AAMDC: variants seen among roughly 807,000 people sequenced by gnomAD.
AAMDC encodes adipogenesis associated Mth938 domain containing.
AAMDC carries 16 observed loss-of-function variants against 15.5 expected under a neutral mutation model. That is an observed-to-expected ratio of 1.03 (90% CI 0.70 to 1.57). The LOEUF is 1.57. AAMDC is among the 40% of genes most tolerant of loss of function. AAMDC has a pLI of 0.00. For synonymous variants in AAMDC, 51 were observed against 51.6 expected, an observed-to-expected ratio of 0.99 and a Z score of 0.05; for missense variants, 141 against 144.9, an observed-to-expected ratio of 0.97 and a Z score of 0.14.
chr11:77,868,737 A>G, intron 2 of AAMDC: 3 of 230,300 alleles, frequency 1.3e-5, no homozygotes, highest in Non-Finnish European at 2.9e-5. Context: ...CACAGGGAAT[A>G]GGCTCCAGCA....
At chr11:77,901,988 T>G (rs1235017634), downstream of AAMDC, among the ~76,000 whole-genome samples, 1 of 152,154 alleles carries the variant, frequency 6.6e-6, no homozygotes, top group Non-Finnish European at 1.5e-5. Context: ...TCCATGGGCC[T>G]GGTCTGAGGG....
At chr11:77,898,869 A>G (rs868459110) in intron 5 of AAMDC, among the ~76,000 whole-genome samples, 34 of 152,186 alleles carry the variant, frequency 2.2e-4, no homozygotes, top group African/African-American at 8.2e-4. Context: ...AAAATAAAAA[A>G]ATTAGCTGAG....
At chr11:77,888,063 G>GA (rs1470892685) in intron 5 of AAMDC, among the ~76,000 whole-genome samples, 41 of 152,066 alleles carry the variant, frequency 2.7e-4, no homozygotes, top group Admixed American at 7.2e-4. Flanking sequence ...CACAGAATTG[G>GA]AAAAAACTAC....
rs376574015 is a variant in AAMDC at position 77,891,287 on chromosome 11, A to G, written c.329-9284A>G. 4 of 1,601,532 alleles carry G rather than the reference A, an allele frequency of 2.5e-6. No homozygotes were observed. In the Admixed American group the frequency reaches 6.8e-5, roughly 27 times the overall value. ...AAATACTTCAACACAATGTCAGTCT[A>G]GAAGCTCCATGAGGACCCAAACCCG... On this transcript the variant is annotated intron_variant, in intron 5 of 5. Transcript: ENST00000304716.
At chr11:77,892,076 C>T (rs1952296950) in intron 5 of AAMDC, among the ~76,000 whole-genome samples, 3 of 152,212 alleles carry the variant, frequency 2.0e-5, no homozygotes. Context: ...AAGTGTTTTA[C>T]ATGATCTTAT....
chr11:77,827,831 T>C (rs1949248366), intron 1 of AAMDC, among the ~76,000 whole-genome samples: 1 of 152,112 alleles, frequency 6.6e-6, no homozygotes, highest in South Asian at 2.1e-4. Flanking sequence ...TAAAACAAGC[T>C]CTATCTTAAA....
At chr11:77,885,265 T>TG (rs897552725) in intron 5 of AAMDC, among the ~76,000 whole-genome samples, 2 of 151,854 alleles carry the variant, frequency 1.3e-5, no homozygotes, top group African/African-American at 2.4e-5. Flanking sequence ...TTAGTAGAGA[T>TG]GGGGTTTCAC....
At chr11:77,853,900 C>A (rs1950500715) in intron 2 of AAMDC, among the ~76,000 whole-genome samples, 1 of 151,800 alleles carries the variant, frequency 6.6e-6, no homozygotes, top group African/African-American at 2.4e-5. Flanking sequence ...GAGATTGCAC[C>A]ACTGTACTCC....
intron 1 of AAMDC, among the ~76,000 whole-genome samples, chr11:77,829,418 G>T (rs1221711464): frequency 6.6e-6 from 1 of 152,136 alleles, no homozygotes; most frequent in Non-Finnish European, 1.5e-5. Flanking sequence ...AGCCATTTGG[G>T]TCAATGGAAC....
chr11:77,865,441 G>C (rs1441388958), intron 2 of AAMDC, among the ~76,000 whole-genome samples: 1 of 152,142 alleles, frequency 6.6e-6, no homozygotes, highest in Non-Finnish European at 1.5e-5. Context: ...GGCATGGCAG[G>C]GCTCTAACTT....
At chr11:77,857,687 A>G (rs2136229117) in intron 2 of AAMDC, among the ~76,000 whole-genome samples, 1 of 150,310 alleles carries the variant, frequency 6.7e-6, no homozygotes, top group East Asian at 1.9e-4. Flanking sequence ...CTATCAACCC[A>G]TCAACTAAGT....
chr11:77,898,913 G>A (rs942734023), intron 5 of AAMDC, among the ~76,000 whole-genome samples: 2 of 152,166 alleles, frequency 1.3e-5, no homozygotes, highest in Admixed American at 6.5e-5. Context: ...CCAGCTACTT[G>A]GGAGGCTGAG....
intron 2 of AAMDC, among the ~76,000 whole-genome samples, chr11:77,853,130 G>A (rs566507998): frequency 6.6e-6 from 1 of 152,146 alleles, no homozygotes; most frequent in African/African-American, 2.4e-5. Context: ...CTTTTTGGGG[G>A]TTGTACCGTA....
At chr11:77,885,687 C>T (rs1473401553) in intron 5 of AAMDC, among the ~76,000 whole-genome samples, 1 of 151,896 alleles carries the variant, frequency 6.6e-6, no homozygotes, top group Non-Finnish European at 1.5e-5. Flanking sequence ...GGTATGGTGG[C>T]GTGTGCCTGT....
At chr11:77,850,197 G>A (rs1005417552) in intron 2 of AAMDC, among the ~76,000 whole-genome samples, 4 of 152,176 alleles carry the variant, frequency 2.6e-5, no homozygotes, top group African/African-American at 4.8e-5. Flanking sequence ...AGATTTTGTA[G>A]TGATTACAGA....
chr11:77,843,083 G>C (rs1380062652), intron 2 of AAMDC, among the ~76,000 whole-genome samples: 1 of 152,124 alleles, frequency 6.6e-6, no homozygotes, highest in Admixed American at 6.6e-5. Context: ...AACCTTTTGA[G>C]GTACTGCCAG....
intron 2 of AAMDC, among the ~76,000 whole-genome samples, chr11:77,865,632 G>T (rs1010358073): frequency 1.3e-5 from 2 of 152,214 alleles, no homozygotes; most frequent in Admixed American, 1.3e-4. Context: ...AAAATGGGCA[G>T]AATGGATTTT....
chr11:77,881,967 A>G (rs1346656522), intron 5 of AAMDC, among the ~76,000 whole-genome samples: 2 of 149,754 alleles, frequency 1.3e-5, no homozygotes, highest in African/African-American at 2.5e-5. Context: ...GCTGGAGTGT[A>G]GTGGCATGAT....
downstream of AAMDC, chr11:77,877,179 TGACC>T: frequency 6.4e-6 from 4 of 625,646 alleles, no homozygotes; most frequent in Non-Finnish European, 1.2e-5. Context: ...CCTAATTGTG[TGACC>T]TAGGACAGGT....
Sources: allele counts gnomAD v4.1 joint callset (sites outside exome capture counted in the v4.1 genomes callset), GRCh38; gene constraint gnomAD v4.1.1; transcripts MANE v1.5; gene names NCBI Gene and HGNC (gene_info 2026-07-23, HGNC 2026-07-21).